The following TMEM232 variants were observed in gnomAD, a reference collection of about 807,000 sequenced individuals.
TMEM232 encodes transmembrane protein 232.
TMEM232 carries 80 observed loss-of-function variants against 78.8 expected under a neutral mutation model. The observed-to-expected ratio is 1.01, with a 90% CI of 0.85 to 1.22. TMEM232 has a LOEUF of 1.22. TMEM232 is among the 50% of genes most tolerant of loss of function. The pLI, the probability that TMEM232 is intolerant of heterozygous loss-of-function variation, is 0.00. For synonymous variants in TMEM232, 297 were observed against 254.3 expected (o/e 1.17, Z -1.60); for missense variants, 881 against 742.2 (o/e 1.19, Z -2.17).
At chr5:110,461,799 T>C (rs1761558875) in intron 12 of TMEM232, among the ~76,000 whole-genome samples, 1 of 152,138 alleles carries the variant, frequency 6.6e-6, no homozygotes, top group Non-Finnish European at 1.5e-5. Flanking sequence ...ATGCTCTAAA[T>C]ATAGTTTAAC....
intron 11 of TMEM232, among the ~76,000 whole-genome samples, chr5:110,567,909 A>G (rs1776525270): frequency 6.6e-6 from 1 of 151,888 alleles, no homozygotes; most frequent in African/African-American, 2.4e-5. Flanking sequence ...TGCCCCTCCT[A>G]TTTGAATCTT....
At chr5:110,559,621 G>A (rs1775517647) in intron 11 of TMEM232, among the ~76,000 whole-genome samples, 1 of 152,122 alleles carries the variant, frequency 6.6e-6, no homozygotes, top group Non-Finnish European at 1.5e-5. Context: ...AAACTACAAT[G>A]AAAGCTATTA....
At chr5:110,572,866 A>G (rs1459295866) in intron 10 of TMEM232, among the ~76,000 whole-genome samples, 1 of 152,102 alleles carries the variant, frequency 6.6e-6, no homozygotes, top group Non-Finnish European at 1.5e-5. Flanking sequence ...TAAAAAGTAG[A>G]CCACATTCTA....
chr5:110,540,768 A>G (rs930381356), intron 11 of TMEM232, among the ~76,000 whole-genome samples: 7 of 152,206 alleles, frequency 4.6e-5, no homozygotes, highest in Non-Finnish European at 4.4e-5. Context: ...GACAAGGTAA[A>G]AAGCTTAACA....
At chr5:110,418,287 T>C (rs1756342006), downstream of TMEM232, 1 of 152,142 alleles carries the variant, frequency 6.6e-6, no homozygotes, top group Non-Finnish European at 1.5e-5. Flanking sequence ...ATAAATTGTG[T>C]CAATTTTATA....
intron 12 of TMEM232, among the ~76,000 whole-genome samples, chr5:110,469,571 C>T (rs963881909): frequency 2.0e-5 from 3 of 152,176 alleles, no homozygotes; most frequent in Admixed American, 6.5e-5. Flanking sequence ...GCTGTGCATT[C>T]CCTCCTAGGG....
chr5:110,552,536 A>G (rs1261713685), intron 11 of TMEM232, among the ~76,000 whole-genome samples: 1 of 152,102 alleles, frequency 6.6e-6, no homozygotes, highest in Non-Finnish European at 1.5e-5. Context: ...CAAACAATGC[A>G]AAAATACATT....
At chr5:110,513,211 G>A (rs772544477) in intron 12 of TMEM232, among the ~76,000 whole-genome samples, 11 of 152,180 alleles carry the variant, frequency 7.2e-5, no homozygotes, top group Non-Finnish European at 1.3e-4. Flanking sequence ...ACGAAGCATA[G>A]TTCTGGCATT....
At chr5:110,574,496 G>C (rs918053865) in intron 10 of TMEM232, among the ~76,000 whole-genome samples, 1 of 151,990 alleles carries the variant, frequency 6.6e-6, no homozygotes, top group Admixed American at 6.6e-5. Context: ...GGGGTCTTTG[G>C]GTATGTTAAA....
intron 13 of TMEM232, 39 bp from the exon 14 acceptor site, chr5:110,420,795 T>C: frequency 2.7e-6 from 4 of 1,483,746 alleles, no homozygotes; most frequent in Non-Finnish European, 3.5e-6. Context: ...TGATTTTCCA[T>C]GAAAAAATGC....
At chr5:110,613,758 T>C (rs1165279355) in intron 8 of TMEM232, among the ~76,000 whole-genome samples, 1 of 152,164 alleles carries the variant, frequency 6.6e-6, no homozygotes, top group Non-Finnish European at 1.5e-5. Flanking sequence ...AAAGATTCTC[T>C]AGAAATATAA....
intron 3 of TMEM232, among the ~76,000 whole-genome samples, chr5:110,393,340 A>G (rs535814962): frequency 1.2e-3 from 187 of 152,272 alleles, no homozygotes; most frequent in African/African-American, 4.1e-3. Context: ...TTTTGCTGTT[A>G]GGTGCATAAA....
At position 110,541,883 on chromosome 5, in the gene TMEM232, G is replaced by T. The variant is rs574687430; in HGVS notation, c.1456-13048C>A. Among the ~76,000 whole-genome samples, 46 of 152,134 alleles carry T rather than the reference G, an allele frequency of 3.0e-4. 1 individual carries two copies. The highest frequency in any genetic ancestry group is 1.1e-3 in the African/African-American group (46 of 41,494). On this transcript the variant is annotated intron_variant, in intron 11 of 13. Coordinates refer to ENST00000455884, the MANE Select transcript of TMEM232 (RefSeq NM_001039763.4). Reference sequence around the variant, plus strand: ...TTTTACAAAAGTTTGAAACTCAAAGGCTCTCCACACCAGGAACTAACCAGC... The same window carrying T: ...TTTTACAAAAGTTTGAAACTCAAAGTCTCTCCACACCAGGAACTAACCAGC...
At chr5:110,712,804 T>C (rs142326314) in intron 1 of TMEM232, among the ~76,000 whole-genome samples, 4 of 152,222 alleles carry the variant, frequency 2.6e-5, no homozygotes, top group Admixed American at 6.5e-5. Context: ...CCATACCTTG[T>C]TGGTGGGAAT....
intron 2 of TMEM232, among the ~76,000 whole-genome samples, chr5:110,662,349 G>C (rs1252203194): frequency 6.6e-6 from 1 of 152,060 alleles, no homozygotes; most frequent in Non-Finnish European, 1.5e-5. Context: ...ACTGTATTGA[G>C]AAAATTTCAT....
At chr5:110,735,685 G>C (rs1234202519) in intron 1 of TMEM232, among the ~76,000 whole-genome samples, 1 of 152,130 alleles carries the variant, frequency 6.6e-6, no homozygotes, top group Non-Finnish European at 1.5e-5. Flanking sequence ...GAAGTGATGA[G>C]GTGTAATTAG....
intron 11 of TMEM232, among the ~76,000 whole-genome samples, chr5:110,563,623 A>T (rs976708080): frequency 6.6e-6 from 1 of 151,972 alleles, no homozygotes; most frequent in African/African-American, 2.4e-5. Context: ...TTAAGGTCCA[A>T]CAAACAGTTT....
chr5:110,408,606 CAG>C (rs766616919), intron 2 of TMEM232, among the ~76,000 whole-genome samples: 2 of 151,540 alleles, frequency 1.3e-5, no homozygotes, highest in Non-Finnish European at 2.9e-5. Context: ...CAAAACAAAA[CAG>C]AGACCCAAAA....
intron 1 of TMEM232, among the ~76,000 whole-genome samples, chr5:110,683,342 T>G (rs1792985988): frequency 6.6e-6 from 1 of 151,948 alleles, no homozygotes; most frequent in Non-Finnish European, 1.5e-5. Flanking sequence ...TACATAGATG[T>G]AACAATTTTT....
Sources: gnomAD v4.1 joint callset for allele counts (sites outside exome capture counted in the v4.1 genomes callset) on GRCh38, gnomAD v4.1.1 for gene constraint, MANE v1.5 for transcripts, NCBI Gene and HGNC (gene_info 2026-07-23, HGNC 2026-07-21) for gene names.